SDCCAG8: variants seen among roughly 807,000 people sequenced by gnomAD.
The protein encoded by SDCCAG8 is SHH signaling and ciliogenesis regulator SDCCAG8, also known as serologically defined colon cancer antigen 8.
SDCCAG8 carries 74 observed loss-of-function variants against 101.8 expected under a neutral mutation model. The observed-to-expected ratio is 0.73, with a 90% confidence interval of 0.60 to 0.88. The LOEUF (loss-of-function observed/expected upper bound fraction) is 0.88, where lower values mean the gene tolerates loss of function less well. Among genes scored for constraint, SDCCAG8 ranks in the 40% least tolerant of loss-of-function variants. The pLI is 0.00. For synonymous variants in SDCCAG8, 281 were observed against 292.9 expected, an observed-to-expected ratio of 0.96 and a Z score of 0.41; for missense variants, 787 against 822.6, an observed-to-expected ratio of 0.96 and a Z score of 0.53.
chr1:243,360,142 CTCTT>C (rs2076612862), intron 12 of SDCCAG8, among the ~76,000 whole-genome samples: 1 of 133,216 alleles, frequency 7.5e-6, no homozygotes, highest in East Asian at 2.0e-4. Context: ...TTGCAACAGT[CTCTT>C]TTTTTTTTTT....
intron 13 of SDCCAG8, among the ~76,000 whole-genome samples, chr1:243,379,995 G>C (rs2077840561): frequency 6.6e-6 from 1 of 151,998 alleles, no homozygotes; most frequent in Non-Finnish European, 1.5e-5. Flanking sequence ...AGATGCCTCT[G>C]GTTCTGTTAA....
At chr1:243,472,352 T>A (rs910586923) in intron 16 of SDCCAG8, among the ~76,000 whole-genome samples, 4 of 152,046 alleles carry the variant, frequency 2.6e-5, no homozygotes, top group African/African-American at 9.7e-5. Context: ...TCCCTGAGAG[T>A]AGCTGGTCAG....
Position 243,458,701 on chromosome 1 carries a change from A to G in SDCCAG8, c.1986-30313A>G, listed in dbSNP as rs1261011497. 2.6e-5 allele frequency among the ~76,000 whole-genome samples: 4 copies of G among 152,208 alleles called. No homozygotes were observed. Among genetic ancestry groups the G allele is most frequent in the Non-Finnish European group, 5.9e-5 (4 of 68,036 alleles). Reference sequence around the variant, plus strand: ...CCAATTCTGGGAAGAAGGGATGCTGATTTGAAGAATCTTAGCAATATTTTA... The same window carrying G: ...CCAATTCTGGGAAGAAGGGATGCTGGTTTGAAGAATCTTAGCAATATTTTA... On this transcript the variant is annotated intron_variant, in intron 16 of 17. Transcript: ENST00000366541. The surrounding 1 kb of genome is among the most constrained non-coding windows in gnomAD (Gnocchi z 4.5).
At chr1:243,379,917 C>T (rs776703063) in intron 13 of SDCCAG8, among the ~76,000 whole-genome samples, 6 of 152,178 alleles carry the variant, frequency 3.9e-5, no homozygotes, top group South Asian at 2.1e-4. Flanking sequence ...ACCACTTGAA[C>T]AGCCTGCGTT....
At chr1:243,268,228 A>G (rs946081090) in intron 1 of SDCCAG8, 9 of 432,836 alleles carry the variant, frequency 2.1e-5, no homozygotes, top group East Asian at 4.6e-5. Context: ...AATAGATTCA[A>G]TAAAGATAAG....
chr1:243,267,688 G>T, intron 1 of SDCCAG8: 1 of 779,868 alleles, frequency 1.3e-6, no homozygotes, highest in Non-Finnish European at 2.4e-6. Flanking sequence ...TCTGTACTAA[G>T]CAGTCATGTG....
At chr1:243,432,473 T>G (rs1558460798) in intron 16 of SDCCAG8, among the ~76,000 whole-genome samples, 1 of 151,996 alleles carries the variant, frequency 6.6e-6, no homozygotes, top group East Asian at 1.9e-4. Context: ...CTTCACAATC[T>G]CCCATGATAC....
intron 5 of SDCCAG8, among the ~76,000 whole-genome samples, chr1:243,292,716 G>A (rs1342885445): frequency 2.0e-5 from 3 of 152,174 alleles, no homozygotes; most frequent in East Asian, 3.8e-4. Flanking sequence ...ATAGAAAGCA[G>A]CATTTTGATA....
rs534100656 is a variant in SDCCAG8, at chr1:243,398,073, C to T, written c.1617-17629C>T. On this transcript the variant is annotated intron_variant, in intron 13 of 17. Transcript: ENST00000366541. ...CACCGGGAAAAATGATGACAATGCA[C>T]AATTATTTTGAGGTTTTAAAGATCT... Among the ~76,000 whole-genome samples, 11 of 152,246 alleles carry T rather than the reference C, an allele frequency of 7.2e-5. No individual in the cohort carries two copies. The South Asian group carries it at 2.3e-3, about 32-fold the overall frequency.
At chr1:243,258,001 T>C (rs939936471) in intron 1 of SDCCAG8, among the ~76,000 whole-genome samples, 4 of 152,190 alleles carry the variant, frequency 2.6e-5, no homozygotes, top group African/African-American at 9.6e-5. Context: ...CATTTTAAAT[T>C]AATGTTATAG....
intron 7 of SDCCAG8, chr1:243,305,731 A>T (rs1397592468): frequency 6.6e-6 from 1 of 152,172 alleles, no homozygotes; most frequent in Non-Finnish European, 1.5e-5. Context: ...TAATAAGTCC[A>T]ATTTGAAATT....
chr1:243,399,282 A>G (rs967226721), intron 13 of SDCCAG8, among the ~76,000 whole-genome samples: 41 of 152,196 alleles, frequency 2.7e-4, no homozygotes, highest in African/African-American at 8.9e-4. Context: ...CCTGCATCCC[A>G]CATTATACTT....
At chr1:243,442,649 A>G (rs2082622768) in intron 16 of SDCCAG8, among the ~76,000 whole-genome samples, 1 of 152,028 alleles carries the variant, frequency 6.6e-6, no homozygotes, top group Admixed American at 6.6e-5. Flanking sequence ...AGTTCTTTCC[A>G]CTCATGTGTG....
At chr1:243,377,478 A>G (rs2077665002) in intron 12 of SDCCAG8, among the ~76,000 whole-genome samples, 1 of 152,074 alleles carries the variant, frequency 6.6e-6, no homozygotes, top group Non-Finnish European at 1.5e-5. Flanking sequence ...TGAAAATGAT[A>G]CAATTATTTC....
chr1:243,301,406 A>G (rs141067134), intron 6 of SDCCAG8, among the ~76,000 whole-genome samples: 6 of 152,300 alleles, frequency 3.9e-5, no homozygotes, highest in African/African-American at 1.2e-4. Context: ...TAAACCTTGA[A>G]TAACACCATG....
intron 10 of SDCCAG8, among the ~76,000 whole-genome samples, chr1:243,335,432 A>G (rs955732807): frequency 6.6e-6 from 1 of 152,168 alleles, no homozygotes; most frequent in Non-Finnish European, 1.5e-5. Flanking sequence ...GCTGGAAACC[A>G]TTTGCCTTGC....
At chr1:243,438,152 A>G (rs1036514106) in intron 16 of SDCCAG8, among the ~76,000 whole-genome samples, 7 of 152,248 alleles carry the variant, frequency 4.6e-5, no homozygotes, top group Admixed American at 1.3e-4. Flanking sequence ...CCCGCCTTCA[A>G]TCTTTCCTGT....
At chr1:243,437,417 A>G (rs2082207371) in intron 16 of SDCCAG8, among the ~76,000 whole-genome samples, 1 of 152,170 alleles carries the variant, frequency 6.6e-6, no homozygotes, top group South Asian at 2.1e-4. Flanking sequence ...GAGTAAACCC[A>G]GGATGCTCTC....
chr1:243,295,577 A>ATGCAGTG (rs370826001), intron 6 of SDCCAG8, among the ~76,000 whole-genome samples: 14 of 152,332 alleles, frequency 9.2e-5, no homozygotes, highest in African/African-American at 3.1e-4. Context: ...ATCTGTAGGC[A>ATGCAGTG]TGCAGACCAC....
Sources: gnomAD v4.1 joint callset for allele counts (sites outside exome capture counted in the v4.1 genomes callset) on GRCh38, gnomAD v4.1.1 for gene constraint, Gnocchi (gnomAD v3.1) non-coding constraint, MANE v1.5 for transcripts, NCBI Gene and HGNC (gene_info 2026-07-23, HGNC 2026-07-21) for gene names.